BSCL2: variants seen among roughly 807,000 people sequenced by gnomAD.
BSCL2 encodes seipin.
A neutral mutation model predicts 57.4 loss-of-function variants in BSCL2; 41 were observed. That is an observed-to-expected ratio of 0.71 (90% CI 0.56 to 0.93). The LOEUF (loss-of-function observed/expected upper bound fraction) is 0.93. Among genes scored for constraint, BSCL2 ranks in the 40% least tolerant of loss-of-function variants. The pLI is 0.00. For missense variants in BSCL2, 539 were observed against 586.7 expected, an observed-to-expected ratio of 0.92 and a Z score of 0.84; for synonymous variants, 237 against 227.3, an observed-to-expected ratio of 1.04 and a Z score of -0.38.
intron 2 of BSCL2, among the ~76,000 whole-genome samples, chr11:62,704,106 C>T (rs1489565240): frequency 4.9e-5 from 7 of 142,126 alleles, no homozygotes; most frequent in Admixed American, 1.5e-4. Flanking sequence ...GCCCAGGCAA[C>T]AGCACGAGAC....
In BSCL2 at chr11:62,706,385, A is replaced by G. The variant is rs569333658; in HGVS notation, c.87+724T>C. On this transcript the variant is annotated intron_variant, in intron 1 of 10. Transcript: ENST00000360796. ...GCTTCAGCCCAGGGCGGGGTCCAGC[A>G]CGGCGGGGCGGGGCGGGACGGGGCG... 8.6e-6 allele frequency: 8 copies of G among 932,784 alleles called. No homozygotes were observed. The South Asian group carries it at 1.2e-4, about 14-fold the overall frequency. The allele number at this position is 932,784 out of a possible 1,614,324, so 57.8% of individuals were successfully genotyped here. A position where few individuals can be genotyped will look rare whatever the true frequency, so the allele number is the denominator to read the frequency against.
chr11:62,708,484 C>A, upstream of BSCL2: 1 of 1,219,874 alleles, frequency 8.2e-7, no homozygotes, highest in Non-Finnish European at 1.2e-6. Context: ...TGCGTTCTTT[C>A]CTTCACTCCC....
In BSCL2 at chr11:62,690,621, C is replaced by T; in HGVS notation, c.1225G>A (p.Ala409Thr). Residue 409 changes from alanine (A) to threonine (T), a missense_variant, in exon 10 of 11, where the codon GCC (alanine) becomes ACC (threonine). Around this residue, in one of 3 missense-constraint regions of BSCL2, gnomAD observed 248 missense variants for 239.9 expected, o/e 1.03. Transcript: ENST00000360796. ...GCAGGATGCCCCTCACCATCACTGG[C>T]CTCAGGCTCTAGCTCCTCTTCTCCG... ...LSGEEELEPEASDGSGSWEDA... is the reference protein window; with the variant it reads ...LSGEEELEPETSDGSGSWEDA... 6.2e-7 allele frequency: 1 copy of T among 1,614,054 alleles called. No homozygotes were observed. Among genetic ancestry groups the T allele is most frequent in the Non-Finnish European group, 8.5e-7 (1 of 1,180,012 alleles).
At chr11:62,706,297 TTCCGGCTCCCGGGGAAGTC>T in intron 1 of BSCL2, 1 of 1,115,690 alleles carries the variant, frequency 9.0e-7, no homozygotes, top group Non-Finnish European at 1.1e-6. Flanking sequence ...GAGACGGGAC[TTCCGGCTCCCGGGGAAGTC>T]CCGCCCCTCT....
chr11:62,690,520 AC>A lies in BSCL2; in HGVS notation c.1235del (p.Gly412ValfsTer11). 6.2e-7 allele frequency: 1 copy of A among 1,614,128 alleles called. No homozygotes were observed. The highest frequency in any genetic ancestry group is 1.1e-5 in the South Asian group (1 of 91,078). On this transcript the variant is annotated frameshift_variant and splice_region_variant, in exon 11 of 11. Coordinates refer to ENST00000360796, the MANE Select transcript of BSCL2 (RefSeq NM_001122955.4). LOFTEE classifies it high-confidence loss of function. ...AAGCTGCATCTTCCCAGGAGCCTGA[AC>A]CTGGGCCAGGAAAGGGAAAAACAAA... The part of the protein sequence containing the change: ...EEELEPEASD[G>X]SGSWEDAALL...
Position 62,690,788 on chromosome 11 carries a change from T to C in BSCL2, c.1152A>G (p.Thr384=), listed in dbSNP as rs1162682087. The change falls in exon 9 of 11, where the codon ACA becomes ACG. Residue 384 remains threonine (T), a splice_region_variant and synonymous_variant. Coordinates refer to ENST00000360796, the MANE Select transcript of BSCL2 (RefSeq NM_001122955.4). ...GAGAGTGTGGTGGCTGCGCCATACC[T>C]GTCCCTGAGGGATCTTCAGGGCTCT... ...DGESPEDPSG[T]EGQLSEEEKP... The C allele has an allele frequency of 1.2e-6, 2 of 1,613,766 alleles. No individual in the cohort carries two copies. Among genetic ancestry groups the C allele is most frequent in the Admixed American group, 3.3e-5 (2 of 60,030 alleles).
At chr11:62,691,530 C>T (rs1945310614) in intron 6 of BSCL2, 109 bp from the exon 7 acceptor site, 2 of 1,337,848 alleles carry the variant, frequency 1.5e-6, no homozygotes, top group Non-Finnish European at 2.1e-6. Context: ...TTGGTTACAG[C>T]TGGCTCTGTC....
intron 3 of BSCL2, among the ~76,000 whole-genome samples, chr11:62,695,702 ACT>A (rs1209590734): frequency 3.6e-5 from 5 of 137,192 alleles, no homozygotes; most frequent in Non-Finnish European, 7.8e-5. Context: ...CAAGAGCAAA[ACT>A]CTGTCTCAAA....
chr11:62,698,838 A>G (rs1412636472), intron 3 of BSCL2, among the ~76,000 whole-genome samples: 1 of 152,156 alleles, frequency 6.6e-6, no homozygotes, highest in Admixed American at 6.5e-5. Context: ...AATGGGCCAC[A>G]AAACTGTATG....
intron 4 of BSCL2, among the ~76,000 whole-genome samples, chr11:62,694,001 A>G (rs1159261607): frequency 6.7e-6 from 1 of 149,844 alleles, no homozygotes; most frequent in East Asian, 2.0e-4. Context: ...TTTAGTAGAG[A>G]CGGGATTTCT....
intron 4 of BSCL2, among the ~76,000 whole-genome samples, chr11:62,693,274 T>C (rs1945358826): frequency 6.6e-6 from 1 of 151,926 alleles, no homozygotes; most frequent in African/African-American, 2.4e-5. Context: ...GAGGCTGAGG[T>C]GGTTGAATCA....
rs187108650 is a variant in BSCL2, at chr11:62,702,582, G to A, written c.405-33C>T. The A allele has an allele frequency of 3.7e-5, 58 of 1,581,106 alleles. No individual in the cohort carries two copies. The East Asian group carries it at 6.8e-4, about 18-fold the overall frequency. On this transcript the variant is annotated intron_variant, in intron 2 of 10. Transcript: ENST00000360796. ...AGATTGGAGGAGGATACTCTGCTAA[G>A]TTAGTCTTACTAGTCCATCCATACA...
intron 2 of BSCL2, among the ~76,000 whole-genome samples, chr11:62,703,590 A>T (rs928734800): frequency 7.0e-4 from 106 of 150,700 alleles, no homozygotes; most frequent in African/African-American, 2.5e-3. Flanking sequence ...TGACCTTGTG[A>T]TCCGCCTGCC....
At chr11:62,691,238 C>A (rs1229890670) in intron 7 of BSCL2, 42 bp downstream of exon 7, 2 of 1,614,188 alleles carry the variant, frequency 1.2e-6, no homozygotes. Context: ...TGACCACCCA[C>A]AAAGATCAAA....
intron 1 of BSCL2, 47 bp downstream of exon 1, chr11:62,707,062 C>T (rs1343130678): frequency 3.3e-6 from 5 of 1,505,986 alleles, no homozygotes; most frequent in Middle Eastern, 1.7e-4. Flanking sequence ...CGCCAGCCCA[C>T]CTATTTCCAG....
intron 3 of BSCL2, among the ~76,000 whole-genome samples, chr11:62,698,444 C>T (rs548464522): frequency 3.9e-5 from 6 of 152,082 alleles, no homozygotes; most frequent in Non-Finnish European, 8.8e-5. Flanking sequence ...GTGATCCACC[C>T]GCCTCGGCCT....
rs985623095 is a variant in BSCL2 at position 62,694,057 on chromosome 11, A to G, written c.630+511T>C. ...TCGAACTCTGGACCTCAGGTGATCT[A>G]CCCGCCTCGGCCTCCCAGAGTGTTG... On this transcript the variant is annotated intron_variant, in intron 4 of 10. Coordinates refer to ENST00000360796, the MANE Select transcript of BSCL2 (RefSeq NM_001122955.4). 1.1e-4 allele frequency among the ~76,000 whole-genome samples: 17 copies of G among 150,936 alleles called. 1 individual carries two copies. The highest frequency in any genetic ancestry group is 1.1e-3 in the Admixed American group (17 of 15,150).
Position 62,707,341 on chromosome 11 carries a change from G to C in BSCL2, c.-146C>G, listed in dbSNP as rs2083558079. 4 of 772,216 alleles carry C rather than the reference G, an allele frequency of 5.2e-6. No individual in the cohort carries two copies. The highest frequency in any genetic ancestry group is 2.7e-5 in the East Asian group (1 of 37,558). 47.8% of individuals were successfully genotyped at this position (772,216 alleles called of 1,614,324 possible). ...GGAGGGTCCCTGGGAGAGAAACGAA[G>C]ATTCAGGTGCTAAGTGCTGTGTCAG... On this transcript the variant is annotated 5_prime_UTR_variant, in exon 1 of 11. The change creates a new upstream start codon in the 5' untranslated region. Transcript: ENST00000360796.
intron 2 of BSCL2, 34 bp downstream of exon 2, chr11:62,705,267 G>A: frequency 1.3e-6 from 2 of 1,559,566 alleles, no homozygotes; most frequent in Non-Finnish European, 1.7e-6. Flanking sequence ...AATTCCCATA[G>A]GAGTCCTCTA....
Sources: allele counts gnomAD v4.1 joint callset (sites outside exome capture counted in the v4.1 genomes callset), GRCh38; gene constraint gnomAD v4.1.1; regional missense constraint gnomAD v4.1.1; transcripts MANE v1.5; gene names NCBI Gene and HGNC (gene_info 2026-07-23, HGNC 2026-07-21).